TRAM1: variants seen among roughly 807,000 people sequenced by gnomAD.
TRAM1 encodes the protein translocation associated membrane protein 1.
Under a neutral mutation model 48.7 loss-of-function variants are expected in TRAM1, and 17 were observed. The ratio of observed to expected loss-of-function variants is 0.35; its 90% CI spans 0.24 to 0.52. The LOEUF is 0.52. Among genes scored for constraint, TRAM1 ranks in the 20% least tolerant of loss-of-function variants. The pLI, the probability that TRAM1 is intolerant of heterozygous loss-of-function variation, is 0.94. For synonymous variants in TRAM1, 182 were observed against 154.0 expected, an observed-to-expected ratio of 1.18 and a Z score of -1.34; for missense variants, 351 against 441.5, an observed-to-expected ratio of 0.79 and a Z score of 1.84.
chr8:70,581,505 T>C (rs2132026082), intron 10 of TRAM1, among the ~76,000 whole-genome samples: 1 of 152,350 alleles, frequency 6.6e-6, no homozygotes, highest in African/African-American at 2.4e-5. Context: ...AGTATCAAGA[T>C]GCTAAACTGA....
chr8:70,591,468 A>T (rs774723755), intron 6 of TRAM1, among the ~76,000 whole-genome samples: 21 of 152,170 alleles, frequency 1.4e-4, no homozygotes, highest in Non-Finnish European at 2.8e-4. Context: ...ACACATTTAC[A>T]TGGGTTGTGG....
chr8:70,577,240 C>T (rs1816976177), intron 10 of TRAM1, among the ~76,000 whole-genome samples: 1 of 152,146 alleles, frequency 6.6e-6, no homozygotes. Context: ...GCATGACCAG[C>T]CTAGGCACCA....
chr8:70,580,986 AAC>A (rs1257487468), intron 10 of TRAM1, among the ~76,000 whole-genome samples: 1 of 152,242 alleles, frequency 6.6e-6, no homozygotes, highest in Non-Finnish European at 1.5e-5. Context: ...GATCTAAATA[AAC>A]AGACATTCAT....
chr8:70,575,036 C>T, intron 10 of TRAM1, 31 bp from the exon 11 acceptor site: 1 of 1,484,352 alleles, frequency 6.7e-7, no homozygotes, highest in Non-Finnish European at 9.2e-7. Flanking sequence ...ATGTTACTCT[C>T]TTTTATAAAT....
rs1191497925 is a variant in TRAM1 at position 70,608,146 on chromosome 8, G to A, written c.54C>T (p.Phe18=). ...CGATGTCCGCGTGATTCTGCAGGAC[G>A]AATTCGTGGCTCAGCACTGGGGGGC... is the stretch of plus-strand genomic sequence containing the variant. ...TKSPPVLSHE[F]VLQNHADIVS... The change falls in exon 1 of 11, where the codon TTC becomes TTT. Residue 18 remains phenylalanine, a synonymous_variant. Coordinates refer to ENST00000262213, the MANE Select transcript of TRAM1 (RefSeq NM_014294.6). 2 of 1,599,742 alleles carry A rather than the reference G, an allele frequency of 1.3e-6. No homozygotes were observed. Among genetic ancestry groups the A allele is most frequent in the East Asian group, 2.3e-5 (1 of 42,580 alleles).
chr8:70,586,537 A>G (rs1162562603), intron 8 of TRAM1, among the ~76,000 whole-genome samples: 1 of 152,140 alleles, frequency 6.6e-6, no homozygotes, highest in African/African-American at 2.4e-5. Context: ...CCATCAATAT[A>G]TTTTAGTTAT....
intron 10 of TRAM1, among the ~76,000 whole-genome samples, chr8:70,581,055 C>G (rs1400358506): frequency 6.6e-6 from 1 of 152,186 alleles, no homozygotes; most frequent in Non-Finnish European, 1.5e-5. Context: ...AAAACCCCAG[C>G]TGGCTTTTTT....
chr8:70,574,094 C>A lies in TRAM1; in HGVS notation c.*838G>T, dbSNP rs1440800947. On this transcript the variant is annotated 3_prime_UTR_variant, in exon 11 of 11. Coordinates refer to ENST00000262213, the MANE Select transcript of TRAM1 (RefSeq NM_014294.6). ...AGGCATTATGTTTTAAAAGTGTTTG[C>A]AGGTTAAACTTTTCTAAGATGCTGT... The A allele has an allele frequency of 2.8e-5, 7 of 248,088 alleles. No individual in the cohort carries two copies. In the East Asian group the frequency reaches 6.7e-4, roughly 24 times the overall value. 15.4% of individuals were successfully genotyped at this position (248,088 alleles called of 1,614,324 possible). A position where few individuals can be genotyped will look rare whatever the true frequency, so the allele number is the denominator to read the frequency against.
chr8:70,595,903 G>A (rs927542970), intron 5 of TRAM1, among the ~76,000 whole-genome samples: 1 of 151,842 alleles, frequency 6.6e-6, no homozygotes, highest in African/African-American at 2.4e-5. Context: ...GAGAAAGAAA[G>A]GAAGATGTGA....
chr8:70,585,141 C>T (rs552020213), intron 8 of TRAM1, among the ~76,000 whole-genome samples: 47 of 152,316 alleles, frequency 3.1e-4, no homozygotes, highest in African/African-American at 1.1e-3. Flanking sequence ...CTACAACCAT[C>T]TGATCTTTGA....
chr8:70,581,034 T>C (rs968771604), intron 10 of TRAM1, among the ~76,000 whole-genome samples: 3 of 152,196 alleles, frequency 2.0e-5, no homozygotes, highest in Non-Finnish European at 4.4e-5. Flanking sequence ...AAATTGAAGA[T>C]AATCCATACC....
At chr8:70,582,289 ATTTTT>A (rs749411995) in intron 10 of TRAM1, among the ~76,000 whole-genome samples, 2 of 143,218 alleles carry the variant, frequency 1.4e-5, no homozygotes, top group Non-Finnish European at 3.1e-5. Context: ...AGGTTGTATA[ATTTTT>A]TTTTTTTTTT....
At chr8:70,595,327 A>G (rs1336718562) in intron 5 of TRAM1, among the ~76,000 whole-genome samples, 1 of 151,932 alleles carries the variant, frequency 6.6e-6, no homozygotes, top group Non-Finnish European at 1.5e-5. Context: ...TGGAGAGAAT[A>G]CAGTCCCACA....
At chr8:70,587,272 CA>C in intron 6 of TRAM1, 96 bp from the exon 7 acceptor site, 2 of 1,251,580 alleles carry the variant, frequency 1.6e-6, no homozygotes, top group Non-Finnish European at 2.2e-6. Context: ...AGGTTGGTCT[CA>C]AAACCTTGGA....
intron 6 of TRAM1, among the ~76,000 whole-genome samples, chr8:70,593,386 T>G (rs949332897): frequency 2.6e-5 from 4 of 151,588 alleles, no homozygotes; most frequent in Non-Finnish European, 2.9e-5. Flanking sequence ...CACTCCAGGT[T>G]TCTCAAAGGG....
rs773836294 is a variant in TRAM1, at chr8:70,574,167, CAT to C, written c.*763_*764del. On this transcript the variant is annotated 3_prime_UTR_variant, in exon 11 of 11. Transcript: ENST00000262213. The stretch of plus-strand genomic sequence containing the variant: ...CCCATTAAGAATCATTATTAATAAA[CAT>C]ATCAAAAAGGGCTATATGTCAGATT... 2 of 380,664 alleles carry C rather than the reference CAT, an allele frequency of 5.3e-6. No individual in the cohort carries two copies. Among genetic ancestry groups the C allele is most frequent in the South Asian group, 4.0e-5 (2 of 50,094 alleles). 23.6% of individuals were successfully genotyped at this position (380,664 alleles called of 1,614,324 possible). A position where few individuals can be genotyped will look rare whatever the true frequency, so the allele number is the denominator to read the frequency against.
intron 6 of TRAM1, among the ~76,000 whole-genome samples, chr8:70,592,907 A>G (rs917116370): frequency 6.6e-6 from 1 of 152,144 alleles, no homozygotes; most frequent in East Asian, 1.9e-4. Flanking sequence ...AAAAAAGTCA[A>G]TTTCGTTTTT....
chr8:70,589,463 G>T (rs1817301155), intron 6 of TRAM1, among the ~76,000 whole-genome samples: 1 of 152,194 alleles, frequency 6.6e-6, no homozygotes, highest in Non-Finnish European at 1.5e-5. Flanking sequence ...ATATATGCCA[G>T]TGTTTCCCAG....
chr8:70,578,675 C>T (rs1357999445), intron 10 of TRAM1, among the ~76,000 whole-genome samples: 1 of 152,196 alleles, frequency 6.6e-6, no homozygotes, highest in Admixed American at 6.5e-5. Context: ...AGTTGGTGAA[C>T]ACTTCCAAAC....
Sources: gnomAD v4.1 joint callset for allele counts (sites outside exome capture counted in the v4.1 genomes callset) on GRCh38, gnomAD v4.1.1 for gene constraint, MANE v1.5 for transcripts, NCBI Gene and HGNC (gene_info 2026-07-23, HGNC 2026-07-21) for gene names.